XKR5: variants seen among roughly 807,000 people sequenced by gnomAD.
XKR5 encodes XK related 5, also known as XK-related protein 5.
In XKR5, 46 loss-of-function variants were observed where a neutral mutation model predicts 40.8. The ratio of observed to expected loss-of-function variants is 1.13; its 90% CI spans 0.89 to 1.44. The LOEUF is 1.44. Ranked by LOEUF, XKR5 falls within the 40% of genes most tolerant of loss-of-function variation. The pLI, the probability that XKR5 is intolerant of heterozygous loss-of-function variation, is 0.00. For missense variants in XKR5, 1,169 were observed against 844.7 expected (o/e 1.38, Z -4.76); for synonymous variants, 466 against 356.1 (o/e 1.31, Z -3.48).
At chr8:6,832,998 T>A in intron 1 of XKR5, 98 bp from the exon 2 acceptor site, 1 of 1,103,942 alleles carries the variant, frequency 9.1e-7, no homozygotes, top group African/African-American at 1.6e-5. Context: ...GATGTTATGA[T>A]GTTCTGACCT....
chr8:6,832,185 C>G (rs535063136), intron 2 of XKR5, among the ~76,000 whole-genome samples: 2 of 152,148 alleles, frequency 1.3e-5, no homozygotes, highest in Non-Finnish European at 2.9e-5. Context: ...TCGTGATGGT[C>G]TATGGATCAC....
chr8:6,818,022 C>T (rs765009041), intron 5 of XKR5, among the ~76,000 whole-genome samples: 1 of 152,206 alleles, frequency 6.6e-6, no homozygotes, highest in Non-Finnish European at 1.5e-5. Context: ...TCCTTCCTCC[C>T]TTTTTCTCCC....
At chr8:6,826,264 G>C (rs960306753) in intron 2 of XKR5, among the ~76,000 whole-genome samples, 1 of 152,130 alleles carries the variant, frequency 6.6e-6, no homozygotes, top group African/African-American at 2.4e-5. Flanking sequence ...ATATGTGTGT[G>C]CATGAAGGTA....
At chr8:6,813,409 T>G (rs899483780) in intron 6 of XKR5, among the ~76,000 whole-genome samples, 6 of 152,142 alleles carry the variant, frequency 3.9e-5, no homozygotes, top group African/African-American at 1.4e-4. Context: ...ACAGAAGTCC[T>G]GGGCACACTT....
chr8:6,835,309 C>T (rs1321424147), intron 1 of XKR5, 127 bp downstream of exon 1: 2 of 990,144 alleles, frequency 2.0e-6, no homozygotes, highest in Middle Eastern at 3.5e-4. Flanking sequence ...CGTGCGTCAC[C>T]GGCGCGCAGT....
At chr8:6,813,692 C>T (rs1005257056) in intron 6 of XKR5, among the ~76,000 whole-genome samples, 5 of 152,226 alleles carry the variant, frequency 3.3e-5, no homozygotes, top group African/African-American at 1.2e-4. Flanking sequence ...CGGTGGCCAC[C>T]TGGGTGCTGA....
intron 3 of XKR5, 23 bp downstream of exon 3, chr8:6,825,142 G>T: frequency 6.2e-7 from 1 of 1,612,842 alleles, no homozygotes; most frequent in Non-Finnish European, 8.5e-7. Context: ...GACAGTCTGT[G>T]CTCTGTGGTG....
At position 6,811,561 on chromosome 8, in the gene XKR5, G is replaced by A; in HGVS notation, c.1698C>T (p.Ala566=). 6.5e-7 allele frequency: 1 copy of A among 1,536,808 alleles called. No homozygotes were observed. Among genetic ancestry groups the A allele is most frequent in the Non-Finnish European group, 8.7e-7 (1 of 1,146,600 alleles). ...TCTTTCCCAGCCTCCTTCCAGAGTG[G>A]GCCGTTTGCAGAGTAGCTGGGCTGC... ...QEGSPATLQT[A]HSGRRLGKSS... is the part of the protein sequence containing the mutation. Residue 566 remains alanine, a synonymous_variant, in exon 7 of 7, where the codon GCC becomes GCT. Coordinates refer to ENST00000618742, the MANE Select transcript of XKR5 (RefSeq NM_207411.5).
rs919563766 is a variant in XKR5 at position 6,825,329 on chromosome 8, G to C, written c.263C>G (p.Thr88Ser). Residue 88 changes from threonine (T) to serine (S), a missense_variant, in exon 3 of 7, where the codon ACC becomes AGC. Thr to Ser is a moderately conservative substitution (Grantham distance 58). Transcript: ENST00000618742. ...AGCCTCCAGTTCCTTCTGCAGACTG[G>C]TCAGTGCAGCGTCCCAGTGCCTAGG... ...VWKRHWDAAL[T>S]SLQKELEAPH... 4.4e-6 allele frequency: 7 copies of C among 1,590,088 alleles called. No homozygotes were observed. Among genetic ancestry groups the C allele is most frequent in the African/African-American group, 2.7e-5 (2 of 73,556 alleles).
At position 6,821,867 on chromosome 8, in the gene XKR5, G is replaced by T. The variant is rs1229130395; in HGVS notation, c.807+2C>A. On this transcript the variant is annotated splice_donor_variant, in intron 5 of 6. Coordinates refer to ENST00000618742, the MANE Select transcript of XKR5 (RefSeq NM_207411.5). LOFTEE classifies it high-confidence loss of function. ...GTTAGGATAAAGAAAAGTGCCACTT[G>T]CCATGTAGAACGTGACCATCCTATT... 1 of 1,612,542 alleles carries T rather than the reference G, an allele frequency of 6.2e-7. No individual in the cohort carries two copies. Among genetic ancestry groups the T allele is most frequent in the Non-Finnish European group, 8.5e-7 (1 of 1,179,332 alleles).
chr8:6,812,127 G>C lies in XKR5; in HGVS notation c.1132C>G (p.Pro378Ala). 1 of 1,549,308 alleles carries C rather than the reference G, an allele frequency of 6.5e-7. No individual in the cohort carries two copies. The highest frequency in any genetic ancestry group is 8.7e-7 in the Non-Finnish European group (1 of 1,147,000). Residue 378 changes from proline (P) to alanine (A), a missense_variant, in exon 7 of 7, where the codon CCT becomes GCT. Transcript: ENST00000618742. ...SYEPTILGKP[P>A]TPEQVPPEAG... ...TCTGGGGGGACCTGCTCAGGGGTAG[G>C]GGGCTTCCCTAAAATGGTTGGTTCA...
chr8:6,833,217 A>G (rs1804851981), intron 1 of XKR5, among the ~76,000 whole-genome samples: 1 of 152,162 alleles, frequency 6.6e-6, no homozygotes, highest in Non-Finnish European at 1.5e-5. Context: ...ACTAGGGACC[A>G]CCCTTATACC....
At chr8:6,834,190 C>T (rs1053657419) in intron 1 of XKR5, among the ~76,000 whole-genome samples, 2 of 152,210 alleles carry the variant, frequency 1.3e-5, no homozygotes, top group Admixed American at 6.5e-5. Flanking sequence ...GCACCGCACA[C>T]AGGCATCGTT....
intron 5 of XKR5, among the ~76,000 whole-genome samples, chr8:6,818,352 G>C (rs1295836189): frequency 1.3e-5 from 2 of 152,192 alleles, no homozygotes; most frequent in African/African-American, 4.8e-5. Context: ...TCTGCCTCTT[G>C]TGTCCTGTAG....
rs936591775 is a variant in XKR5 at position 6,821,882 on chromosome 8, A to G, written c.794T>C (p.Val265Ala). The change falls in exon 5 of 7, where the codon GTC becomes GCC. Residue 265 changes from valine to alanine, a missense_variant. Val to Ala is a moderately conservative substitution (Grantham distance 64). Coordinates refer to ENST00000618742, the MANE Select transcript of XKR5 (RefSeq NM_207411.5). The part of the protein sequence containing the change: ...FWDSPSRNRM[V>A]TFYMVMLLEN... The stretch of plus-strand genomic sequence containing the variant: ...AGTGCCACTTGCCATGTAGAACGTG[A>G]CCATCCTATTTCTAGAAGGGCTGTC... 6.2e-7 allele frequency: 1 copy of G among 1,613,298 alleles called. No individual in the cohort carries two copies. The highest frequency in any genetic ancestry group is 2.2e-5 in the East Asian group (1 of 44,890).
intron 3 of XKR5, among the ~76,000 whole-genome samples, chr8:6,824,645 C>G (rs572642477): frequency 1.2e-4 from 18 of 152,254 alleles, no homozygotes; most frequent in African/African-American, 3.8e-4. Flanking sequence ...ATGCTACCAC[C>G]TCAGCCTCTT....
In XKR5 at chr8:6,810,939, A is replaced by G. The variant is rs1563343597; in HGVS notation, c.*259T>C. On this transcript the variant is annotated 3_prime_UTR_variant, in exon 7 of 7. Transcript: ENST00000618742. ...TACAGCTCATAAAAGGTAGCAGACAATTTTGACTGGAATCTCTTTCTCCTC... is the reference window on the plus strand; with the variant it reads ...TACAGCTCATAAAAGGTAGCAGACAGTTTTGACTGGAATCTCTTTCTCCTC... The G allele has an allele frequency of 3.0e-6, 1 of 335,478 alleles. No individual in the cohort carries two copies. The highest frequency in any genetic ancestry group is 9.9e-5 in the South Asian group (1 of 10,068). 20.8% of individuals were successfully genotyped at this position (335,478 alleles called of 1,614,324 possible).
Position 6,811,026 on chromosome 8 carries a change from C to T in XKR5, c.*172G>A. On this transcript the variant is annotated 3_prime_UTR_variant, in exon 7 of 7. Transcript: ENST00000618742. ...GGGGTCTGTGATGTTTGCATTGGACCTGCAAAATCATCCAGCCCTGTTTCT... is the reference window on the plus strand; with the variant it reads ...GGGGTCTGTGATGTTTGCATTGGACTTGCAAAATCATCCAGCCCTGTTTCT... 1.5e-6 allele frequency: 1 copy of T among 681,796 alleles called. No individual in the cohort carries two copies. Among genetic ancestry groups the T allele is most frequent in the South Asian group, 2.0e-5 (1 of 49,360 alleles). 42.2% of individuals were successfully genotyped at this position (681,796 alleles called of 1,614,324 possible). A position where few individuals can be genotyped will look rare whatever the true frequency, so the allele number is the denominator to read the frequency against.
At chr8:6,822,685 A>G (rs1309212697) in intron 4 of XKR5, among the ~76,000 whole-genome samples, 1 of 152,220 alleles carries the variant, frequency 6.6e-6, no homozygotes, top group East Asian at 1.9e-4. Context: ...TGCAGAGTAT[A>G]TTCACTGATG....
Sources: gnomAD v4.1 joint callset for allele counts (sites outside exome capture counted in the v4.1 genomes callset) on GRCh38, gnomAD v4.1.1 for gene constraint, MANE v1.5 for transcripts, NCBI Gene and HGNC (gene_info 2026-07-23, HGNC 2026-07-21) for gene names.